Variants in PTCHD4 observed in about 807,000 individuals in gnomAD.
The protein encoded by PTCHD4 is patched domain containing 4, also known as patched domain-containing protein 4.
PTCHD4 carries 33 observed loss-of-function variants against 58.1 expected under a neutral mutation model. The ratio of observed to expected loss-of-function variants is 0.57; its 90% CI spans 0.43 to 0.76. PTCHD4 has a LOEUF of 0.76. PTCHD4 is among the 30% of genes least tolerant of loss of function. The pLI, the probability that PTCHD4 is intolerant of heterozygous loss-of-function variation, is 0.00. For missense variants in PTCHD4, 1,058 were observed against 1,027.1 expected, an observed-to-expected ratio of 1.03 and a Z score of -0.41; for synonymous variants, 478 against 409.6, an observed-to-expected ratio of 1.17 and a Z score of -2.02.
intron 4 of PTCHD4, among the ~76,000 whole-genome samples, chr6:48,001,143 G>T (rs1316223122): frequency 1.3e-5 from 2 of 152,130 alleles, no homozygotes; most frequent in African/African-American, 4.8e-5. Context: ...CATGCTCATG[G>T]ATAGGAAGAA....
intron 4 of PTCHD4, among the ~76,000 whole-genome samples, chr6:47,987,894 G>T (rs1768133349): frequency 1.3e-5 from 2 of 151,798 alleles, no homozygotes; most frequent in African/African-American, 2.4e-5. Flanking sequence ...TCCAGCCTCA[G>T]CCTCCCAAGT....
At chr6:47,906,666 C>A (rs563379858) in intron 4 of PTCHD4, among the ~76,000 whole-genome samples, 2 of 152,096 alleles carry the variant, frequency 1.3e-5, no homozygotes, top group Non-Finnish European at 2.9e-5. Flanking sequence ...AATCTTCTAC[C>A]CAGGATAAAA....
chr6:48,063,803 T>A (rs1228380067), intron 3 of PTCHD4, among the ~76,000 whole-genome samples: 3 of 152,178 alleles, frequency 2.0e-5, no homozygotes, highest in African/African-American at 7.2e-5. Flanking sequence ...ATGTATACCT[T>A]ATACGGTTTT....
intron 3 of PTCHD4, among the ~76,000 whole-genome samples, chr6:48,058,940 G>T (rs1215773383): frequency 9.2e-5 from 14 of 152,208 alleles, no homozygotes; most frequent in Non-Finnish European, 1.5e-5. Context: ...TTTCAGCTTT[G>T]AGAGTTGAAA....
chr6:47,876,012 T>C lies in PTCHD4; in HGVS notation c.*2291A>G, dbSNP rs986918432. Among the ~76,000 whole-genome samples the C allele has an allele frequency of 6.6e-5, 10 of 151,646 alleles. No homozygotes were observed. The highest frequency in any genetic ancestry group is 2.9e-5 in the Non-Finnish European group (2 of 67,844). On this transcript the variant is annotated 3_prime_UTR_variant, in exon 5 of 5. Coordinates refer to ENST00000339488, the MANE Select transcript of PTCHD4 (RefSeq NM_001384253.1). The stretch of plus-strand genomic sequence containing the variant: ...ATATGGGAGATAAAAATCTTCCATA[T>C]CAAATCTTTACAAATGATGGGTAAT...
chr6:48,039,159 A>T (rs1190579131), intron 3 of PTCHD4, among the ~76,000 whole-genome samples: 1 of 152,122 alleles, frequency 6.6e-6, no homozygotes, highest in African/African-American at 2.4e-5. Context: ...ATGCCCATGA[A>T]CTTTAGAGTA....
chr6:47,930,089 G>A (rs946522676), intron 4 of PTCHD4, among the ~76,000 whole-genome samples: 10 of 152,142 alleles, frequency 6.6e-5, no homozygotes, highest in African/African-American at 2.4e-5. Context: ...TGGGTCAGTG[G>A]CCTTAAATCA....
chr6:47,926,638 T>C (rs1233215351), intron 4 of PTCHD4, among the ~76,000 whole-genome samples: 1 of 152,246 alleles, frequency 6.6e-6, no homozygotes, highest in Non-Finnish European at 1.5e-5. Flanking sequence ...GATTCTATTA[T>C]TTTATTTCAT....
At chr6:47,909,134 G>T (rs1240334503) in intron 4 of PTCHD4, among the ~76,000 whole-genome samples, 1 of 152,082 alleles carries the variant, frequency 6.6e-6, no homozygotes, top group African/African-American at 2.4e-5. Context: ...AGTCAGGAGG[G>T]TCAAAATAAA....
chr6:47,926,425 A>G (rs977556790), intron 4 of PTCHD4, among the ~76,000 whole-genome samples: 1 of 152,188 alleles, frequency 6.6e-6, no homozygotes, highest in Non-Finnish European at 1.5e-5. Flanking sequence ...AGAGTAGGTG[A>G]TGCATAAAAT....
chr6:48,109,546 A>C (rs550913870), intron 1 of PTCHD4, among the ~76,000 whole-genome samples: 2 of 152,196 alleles, frequency 1.3e-5, no homozygotes, highest in African/African-American at 4.8e-5. Flanking sequence ...AGGCAAAAAT[A>C]AACAAGTGGG....
Position 48,030,242 on chromosome 6 carries a change from T to C in PTCHD4, c.418-21128A>G, listed in dbSNP as rs542045640. ...TATTTTGCAACTATATTAGTCTTGC[T>C]GTAATTTATTGTATTTGATAGAAAC... On this transcript the variant is annotated intron_variant, in intron 3 of 4. Coordinates refer to ENST00000339488, the MANE Select transcript of PTCHD4 (RefSeq NM_001384253.1). Among the ~76,000 whole-genome samples the C allele has an allele frequency of 7.2e-5, 11 of 152,270 alleles. No homozygotes were observed. In the South Asian group the frequency reaches 2.3e-3, roughly 32 times the overall value.
chr6:48,029,190 C>A (rs544057366), intron 3 of PTCHD4, among the ~76,000 whole-genome samples: 1 of 152,160 alleles, frequency 6.6e-6, no homozygotes, highest in South Asian at 2.1e-4. Flanking sequence ...GATTCTTAAC[C>A]TGAACAATTT....
chr6:47,977,189 G>C (rs1767724805), intron 4 of PTCHD4, among the ~76,000 whole-genome samples: 2 of 152,066 alleles, frequency 1.3e-5, no homozygotes, highest in South Asian at 4.2e-4. Flanking sequence ...CTTTCAAGGT[G>C]ACTCTCAATG....
intron 4 of PTCHD4, among the ~76,000 whole-genome samples, chr6:47,947,913 A>C (rs1334685198): frequency 6.6e-6 from 1 of 152,034 alleles, no homozygotes; most frequent in Non-Finnish European, 1.5e-5. Flanking sequence ...GGTTTGTTAA[A>C]TTTTCTCACT....
At chr6:48,030,036 C>T (rs149031269) in intron 3 of PTCHD4, among the ~76,000 whole-genome samples, 1,649 of 152,102 alleles carry the variant, frequency 0.011, 30 homozygotes, top group African/African-American at 0.038. Context: ...TGAAGTCTGG[C>T]TTGGCTTCCT....
In PTCHD4 at chr6:47,879,939, A is replaced by G; in HGVS notation, c.899-3T>C. 1 of 1,492,570 alleles carries G rather than the reference A, an allele frequency of 6.7e-7. No homozygotes were observed. Among genetic ancestry groups the G allele is most frequent in the South Asian group, 1.3e-5 (1 of 74,196 alleles). The allele number at this position is 1,492,570 out of a possible 1,614,324, so 92.5% of individuals were successfully genotyped here. A position where few individuals can be genotyped will look rare whatever the true frequency, so the allele number is the denominator to read the frequency against. On this transcript the variant is annotated splice_polypyrimidine_tract_variant and splice_region_variant and intron_variant, in intron 4 of 4. Transcript: ENST00000339488. Reference sequence around the variant, plus strand: ...AAACACTCCTTTAGTTCCATGACCTAATGTTTTAAAAAAAGAAAATAATAA... The same window carrying G: ...AAACACTCCTTTAGTTCCATGACCTGATGTTTTAAAAAAAGAAAATAATAA...
intron 1 of PTCHD4, among the ~76,000 whole-genome samples, 161 bp downstream of exon 1, chr6:48,110,888 G>A (rs1765861400): frequency 6.6e-6 from 1 of 150,562 alleles, no homozygotes; most frequent in Admixed American, 6.6e-5. Context: ...CTCTCATTCT[G>A]CAGAACATTT....
Position 47,863,104 on chromosome 6 carries a change from A to C in PTCHD4, c.*15199T>G, listed in dbSNP as rs1009749760. 6.6e-6 allele frequency among the ~76,000 whole-genome samples: 1 copy of C among 151,888 alleles called. No homozygotes were observed. Among genetic ancestry groups the C allele is most frequent in the Non-Finnish European group, 1.5e-5 (1 of 67,856 alleles). ...ATTCATTGTACTTAACTTTTTACTTAAGAGTTGGTATTTATCAATATGATT... is the reference window on the plus strand; with the variant it reads ...ATTCATTGTACTTAACTTTTTACTTCAGAGTTGGTATTTATCAATATGATT... On this transcript the variant is annotated 3_prime_UTR_variant, in exon 5 of 5. Coordinates refer to ENST00000339488, the MANE Select transcript of PTCHD4 (RefSeq NM_001384253.1).
Sources: gnomAD v4.1 joint callset for allele counts (sites outside exome capture counted in the v4.1 genomes callset) on GRCh38, gnomAD v4.1.1 for gene constraint, MANE v1.5 for transcripts, NCBI Gene and HGNC (gene_info 2026-07-23, HGNC 2026-07-21) for gene names.